Variants in ZMIZ1 observed in about 807,000 individuals in gnomAD.
ZMIZ1 encodes zinc finger MIZ domain-containing protein 1.
Under a neutral mutation model 113.9 loss-of-function variants are expected in ZMIZ1, and 17 were observed. The ratio of observed to expected loss-of-function variants is 0.15; its 90% CI spans 0.10 to 0.22. The LOEUF (loss-of-function observed/expected upper bound fraction) is 0.22. ZMIZ1 is among the 10% of genes least tolerant of loss of function. The pLI is 1.00. For missense variants in ZMIZ1, 1,059 were observed against 1,477.8 expected (o/e 0.72, Z 4.65); for synonymous variants, 607 against 603.1 (o/e 1.01, Z -0.09).
At chr10:79,268,242 C>T (rs1851722162) in intron 7 of ZMIZ1, among the ~76,000 whole-genome samples, 1 of 152,226 alleles carries the variant, frequency 6.6e-6, no homozygotes, top group Admixed American at 6.5e-5. Context: ...CTGTGAACTG[C>T]TTGCCTCCTG....
At chr10:79,303,901 G>A (rs1386276852) in intron 18 of ZMIZ1, 114 bp from the exon 19 acceptor site, 20 of 1,450,886 alleles carry the variant, frequency 1.4e-5, no homozygotes, top group Non-Finnish European at 1.8e-5. Context: ...TGTGGGCTGG[G>A]AGGAGAACCA....
At chr10:79,158,643 G>T (rs184936617) in intron 3 of ZMIZ1, among the ~76,000 whole-genome samples, 1 of 152,202 alleles carries the variant, frequency 6.6e-6, no homozygotes, top group Non-Finnish European at 1.5e-5. Flanking sequence ...GACTGATCCT[G>T]CATCTCTCTG....
chr10:79,240,565 G>A (rs1008104592), intron 7 of ZMIZ1, among the ~76,000 whole-genome samples: 1 of 150,916 alleles, frequency 6.6e-6, no homozygotes, highest in African/African-American at 2.4e-5. Context: ...AAGGCCTCCC[G>A]TGCAGTCTGG....
chr10:79,089,859 T>C (rs1315829992), intron 1 of ZMIZ1, among the ~76,000 whole-genome samples: 1 of 151,024 alleles, frequency 6.6e-6, no homozygotes, highest in Non-Finnish European at 1.5e-5. Flanking sequence ...TACAAGCTCC[T>C]GGCTTTCGGA....
intron 5 of ZMIZ1, among the ~76,000 whole-genome samples, chr10:79,203,628 C>CT (rs1271769861): frequency 5.3e-5 from 8 of 152,324 alleles, no homozygotes; most frequent in Admixed American, 2.0e-4. Context: ...CCTCTTTCCT[C>CT]TTGGCACCTA....
rs1355862405 is a variant in ZMIZ1 at position 79,306,159 on chromosome 10, A to G, written c.2483A>G (p.Lys828Arg). The G allele has an allele frequency of 1.9e-6, 3 of 1,614,090 alleles. No homozygotes were observed. The highest frequency in any genetic ancestry group is 2.5e-6 in the Non-Finnish European group (3 of 1,180,024). The change falls in exon 22 of 25, where the codon AAG (lysine) becomes AGG (arginine). Residue 828 changes from lysine (K) to arginine (R), a missense_variant. Lys to Arg is a conservative substitution (Grantham distance 26, BLOSUM62 2). Transcript: ENST00000334512. The stretch of plus-strand genomic sequence containing the variant: ...TGCAGCTGGCGGCCGGTGCCCATCA[A>G]GTCGGACTTACACATCAAGGACGAC... ...PTCSWRPVPI[K>R]SDLHIKDDPD... is the part of the protein sequence containing the mutation.
intron 24 of ZMIZ1, 82 bp downstream of exon 24, chr10:79,311,266 GCTC>G: frequency 1.5e-6 from 2 of 1,366,458 alleles, no homozygotes; most frequent in Non-Finnish European, 9.7e-7. Context: ...GGGTGTGAGG[GCTC>G]GAGGCCCCGA....
intron 2 of ZMIZ1, among the ~76,000 whole-genome samples, chr10:79,137,777 G>A (rs1845069658): frequency 1.3e-5 from 2 of 152,062 alleles, no homozygotes; most frequent in Non-Finnish European, 2.9e-5. Flanking sequence ...CCCAGAGGTC[G>A]TGAGGGCTGG....
At chr10:79,102,304 G>A (rs373199252) in intron 1 of ZMIZ1, among the ~76,000 whole-genome samples, 2 of 152,368 alleles carry the variant, frequency 1.3e-5, no homozygotes, top group East Asian at 3.9e-4. Flanking sequence ...TATAAACACG[G>A]TTATTTTTAG....
chr10:79,193,750 G>T (rs1847708779), intron 4 of ZMIZ1, among the ~76,000 whole-genome samples: 1 of 152,176 alleles, frequency 6.6e-6, no homozygotes, highest in Non-Finnish European at 1.5e-5. Context: ...TACCCTGATG[G>T]ATGGGAGGTG....
chr10:79,255,693 C>T (rs550162918), intron 7 of ZMIZ1, among the ~76,000 whole-genome samples: 70 of 152,286 alleles, frequency 4.6e-4, no homozygotes, highest in Non-Finnish European at 8.5e-4. Flanking sequence ...CACCTCTCCC[C>T]GCCACCCCCC....
intron 7 of ZMIZ1, among the ~76,000 whole-genome samples, chr10:79,236,810 A>T (rs1010861689): frequency 2.0e-5 from 3 of 152,220 alleles, no homozygotes; most frequent in Non-Finnish European, 2.9e-5. Context: ...TCATTCATAC[A>T]GCTAATATTT....
At chr10:79,089,015 G>C (rs1044320765) in intron 1 of ZMIZ1, among the ~76,000 whole-genome samples, 1 of 152,204 alleles carries the variant, frequency 6.6e-6, no homozygotes, top group African/African-American at 2.4e-5. Flanking sequence ...TACTCCCTAC[G>C]TGAGGCCACA....
chr10:79,071,386 C>T (rs1024304835), intron 1 of ZMIZ1, among the ~76,000 whole-genome samples: 13 of 152,222 alleles, frequency 8.5e-5, no homozygotes, highest in Non-Finnish European at 1.3e-4. Context: ...CCTGGGTTTG[C>T]TTATTACTGT....
rs1232936903 is a variant in ZMIZ1, at chr10:79,311,120, C to T, written c.3032C>T (p.Ser1011Phe). ...CACAGCGACCTGACCTTTAACCCCT[C>T]CTCAGCCTTAGAGGGTCAGGCCGGA... ...HPHSDLTFNP[S>F]SALEGQAGAQ... Residue 1011 changes from serine (S) to phenylalanine (F), a missense_variant, in exon 24 of 25, where the codon TCC becomes TTC. Around this residue, in one of 6 missense-constraint regions of ZMIZ1, gnomAD observed 225 missense variants for 276.0 expected, o/e 0.82. Coordinates refer to ENST00000334512, the MANE Select transcript of ZMIZ1 (RefSeq NM_020338.4). 6.2e-7 allele frequency: 1 copy of T among 1,613,770 alleles called. No individual in the cohort carries two copies. The highest frequency in any genetic ancestry group is 8.5e-7 in the Non-Finnish European group (1 of 1,180,034).
chr10:79,209,073 C>G (rs1257397401), intron 6 of ZMIZ1, among the ~76,000 whole-genome samples: 3 of 152,118 alleles, frequency 2.0e-5, no homozygotes, highest in East Asian at 1.9e-4. Context: ...GAATCCTGAA[C>G]TGGCTGGGTG....
At chr10:79,198,127 T>C (rs1039738807) in intron 4 of ZMIZ1, among the ~76,000 whole-genome samples, 5 of 151,908 alleles carry the variant, frequency 3.3e-5, no homozygotes, top group Admixed American at 6.6e-5. Flanking sequence ...GACGTGGTGG[T>C]GGGCGCCTGT....
At chr10:79,278,355 G>A (rs1313078719) in intron 8 of ZMIZ1, among the ~76,000 whole-genome samples, 2 of 151,826 alleles carry the variant, frequency 1.3e-5, no homozygotes, top group East Asian at 1.9e-4. Context: ...CTCTTCTGTA[G>A]CAGTGTTCCT....
chr10:79,241,857 G>A (rs963530051), intron 7 of ZMIZ1, among the ~76,000 whole-genome samples: 8 of 152,180 alleles, frequency 5.3e-5, no homozygotes, highest in African/African-American at 1.9e-4. Context: ...CAGTGAACCT[G>A]GTCAGCTCCC....
Sources: allele counts gnomAD v4.1 joint callset (sites outside exome capture counted in the v4.1 genomes callset), GRCh38; gene constraint gnomAD v4.1.1; regional missense constraint gnomAD v4.1.1; transcripts MANE v1.5; gene names NCBI Gene and HGNC (gene_info 2026-07-23, HGNC 2026-07-21).